Variants in HS6ST2 observed in about 807,000 individuals in gnomAD.
HS6ST2 encodes heparan sulfate 6-O-sulfotransferase 2.
HS6ST2 carries 17 observed loss-of-function variants against 33.0 expected under a neutral mutation model. That is an observed-to-expected ratio of 0.52 (90% CI 0.35 to 0.77). The LOEUF is 0.77. Ranked by LOEUF, HS6ST2 falls within the 30% of genes least tolerant of loss-of-function variation. The pLI is 0.01. For missense variants in HS6ST2, 519 were observed against 551.7 expected (o/e 0.94, Z 0.59); for synonymous variants, 248 against 237.1 (o/e 1.05, Z -0.42).
At chrX:132,637,094 CTA>C (rs767980042) in intron 4 of HS6ST2, among the ~76,000 whole-genome samples, 14 of 112,206 alleles carry the variant, frequency 1.2e-4, no homozygotes, top group Non-Finnish European at 1.9e-4. Context: ...ACTTCTAATT[CTA>C]TGAGTTAACT....
At chrX:132,856,109 A>C (rs2065850317) in intron 2 of HS6ST2, among the ~76,000 whole-genome samples, 1 of 111,651 alleles carries the variant, frequency 9.0e-6, no homozygotes, top group Non-Finnish European at 1.9e-5. Flanking sequence ...TTGCTCAGAC[A>C]ATATATTAAT....
At chrX:132,671,223 G>A (rs1045856964) in intron 3 of HS6ST2, among the ~76,000 whole-genome samples, 7 of 112,011 alleles carry the variant, frequency 6.2e-5, no homozygotes, top group Admixed American at 1.9e-4. Flanking sequence ...AATGCAATAT[G>A]CTAATATGCT....
chrX:132,928,509 G>A (rs2066731766), intron 2 of HS6ST2, among the ~76,000 whole-genome samples: 1 of 87,084 alleles, frequency 1.1e-5, no homozygotes, highest in Admixed American at 1.4e-4. Context: ...CTGCCTCCAT[G>A]ATCCAAATAC....
chrX:132,781,858 G>A (rs1443670337), intron 2 of HS6ST2, among the ~76,000 whole-genome samples: 1 of 111,840 alleles, frequency 8.9e-6, no homozygotes, highest in Non-Finnish European at 1.9e-5. Flanking sequence ...CTTGAAACAT[G>A]GGGATTATGG....
At chrX:132,895,097 T>G in intron 2 of HS6ST2, among the ~76,000 whole-genome samples, 1 of 112,164 alleles carries the variant, frequency 8.9e-6, no homozygotes, top group Non-Finnish European at 1.9e-5. Context: ...ATCTCTTGGG[T>G]TTCCCTATTC....
intron 2 of HS6ST2, among the ~76,000 whole-genome samples, chrX:132,915,847 G>GC (rs1227789460): frequency 9.3e-6 from 1 of 107,922 alleles, no homozygotes; most frequent in Non-Finnish European, 1.9e-5. Flanking sequence ...TCCTGCCTCA[G>GC]CCCCCCGAGT....
intron 2 of HS6ST2, among the ~76,000 whole-genome samples, chrX:132,835,451 C>A (rs749179428): frequency 9.0e-6 from 1 of 111,592 alleles, no homozygotes; most frequent in Admixed American, 9.5e-5. Flanking sequence ...GTAATGACAG[C>A]GGCTCTCTTA....
At chrX:132,680,859 C>T (rs2063964231) in intron 3 of HS6ST2, among the ~76,000 whole-genome samples, 2 of 110,474 alleles carry the variant, frequency 1.8e-5, no homozygotes, top group Non-Finnish European at 1.9e-5. Flanking sequence ...ATTAGCTGGG[C>T]ATGGTGGTGG....
chrX:132,810,311 C>T (rs1043079090), intron 2 of HS6ST2, among the ~76,000 whole-genome samples: 2 of 108,054 alleles, frequency 1.9e-5, no homozygotes, highest in South Asian at 4.2e-4. Context: ...GAGGCTGAGG[C>T]GGGAGGATTG....
intron 2 of HS6ST2, among the ~76,000 whole-genome samples, chrX:132,854,836 G>C (rs1329095781): frequency 1.8e-5 from 2 of 111,816 alleles, no homozygotes; most frequent in African/African-American, 6.5e-5. Context: ...GTTTTGACTT[G>C]TTCTAACACA....
At chrX:132,924,524 A>G (rs1374810938) in intron 2 of HS6ST2, among the ~76,000 whole-genome samples, 2 of 111,899 alleles carry the variant, frequency 1.8e-5, no homozygotes, top group African/African-American at 6.5e-5. Context: ...AACTGTTGGA[A>G]TCTCTGAAGT....
chrX:132,633,047 G>A (rs1439030212), intron 4 of HS6ST2, among the ~76,000 whole-genome samples: 2 of 96,123 alleles, frequency 2.1e-5, no homozygotes, highest in Non-Finnish European at 4.1e-5. Context: ...CTGCACTCCA[G>A]CCTGGGTGAC....
intron 2 of HS6ST2, among the ~76,000 whole-genome samples, chrX:132,719,928 G>A (rs1253323832): frequency 8.9e-6 from 1 of 112,344 alleles, no homozygotes; most frequent in African/African-American, 3.2e-5. Flanking sequence ...AGAAACTGCT[G>A]TACCACCTAA....
chrX:132,916,859 C>T (rs2066598788), intron 2 of HS6ST2, among the ~76,000 whole-genome samples: 1 of 111,888 alleles, frequency 8.9e-6, no homozygotes. Flanking sequence ...CCTCAGCTTG[C>T]AGATGGCCTA....
chrX:132,659,235 CA>C (rs1367737463), intron 4 of HS6ST2, among the ~76,000 whole-genome samples: 11 of 112,270 alleles, frequency 9.8e-5, no homozygotes, highest in Non-Finnish European at 9.4e-5. Context: ...CAGCATTTTC[CA>C]AGCAAAATTT....
intron 2 of HS6ST2, among the ~76,000 whole-genome samples, chrX:132,794,574 G>GATGATTATTATTATTATTATT (rs916088563): frequency 7.5e-4 from 74 of 99,066 alleles, no homozygotes; most frequent in East Asian, 1.3e-3. Flanking sequence ...TGATGATGAT[G>GATGATTATTATTATTATTATT]ATTATTATTA....
At chrX:132,639,718 T>C (rs1250193905) in intron 4 of HS6ST2, among the ~76,000 whole-genome samples, 2 of 111,983 alleles carry the variant, frequency 1.8e-5, no homozygotes, top group African/African-American at 6.5e-5. Flanking sequence ...GGGTTGGTTC[T>C]CTTCCTTCTC....
intron 2 of HS6ST2, among the ~76,000 whole-genome samples, chrX:132,815,720 TATG>T (rs2065388011): frequency 8.9e-6 from 1 of 111,780 alleles, no homozygotes. Flanking sequence ...TCTACGATGC[TATG>T]ATAAGTACGC....
chrX:132,738,203 G>A (rs993342267), intron 2 of HS6ST2, among the ~76,000 whole-genome samples: 2 of 112,383 alleles, frequency 1.8e-5, no homozygotes, highest in Non-Finnish European at 3.8e-5. Context: ...TGTCTTCCTT[G>A]CCCTTCTTCA....
Sources: allele counts gnomAD v4.1 joint callset (sites outside exome capture counted in the v4.1 genomes callset), GRCh38; gene constraint gnomAD v4.1.1; transcripts MANE v1.5; gene names NCBI Gene and HGNC (gene_info 2026-07-23, HGNC 2026-07-21).